IDUA: variants seen among roughly 807,000 people sequenced by gnomAD.
IDUA encodes iduronidase alpha-L-.
In IDUA, 65 loss-of-function variants were observed where a neutral mutation model predicts 68.9. The observed-to-expected ratio is 0.94, with a 90% CI of 0.77 to 1.16. The LOEUF (loss-of-function observed/expected upper bound fraction) is 1.16. Among genes scored for constraint, IDUA ranks in the 50% most tolerant of loss-of-function variants. The pLI, the probability that IDUA is intolerant of heterozygous loss-of-function variation, is 0.00. For missense variants in IDUA, 1,046 were observed against 938.0 expected (o/e 1.12, Z -1.50); for synonymous variants, 529 against 433.6 (o/e 1.22, Z -2.73).
Position 1,001,823 on chromosome 4 carries a change from C to T in IDUA, c.734C>T (p.Thr245Ile), listed in dbSNP as rs1226615259. ...CTCCTGCGCCACTGCCACGACGGTA[C>T]CAACTTCTTCACTGGGGAGGCGGGC... The part of the protein sequence containing the change: ...WGLLRHCHDG[T>I]NFFTGEAGVR... The change falls in exon 6 of 14, where the codon ACC (threonine) becomes ATC (isoleucine). Residue 245 changes from threonine (T) to isoleucine (I), a missense_variant. Coordinates refer to ENST00000514224, the MANE Select transcript of IDUA (RefSeq NM_000203.5). The T allele has an allele frequency of 1.9e-6, 3 of 1,605,508 alleles. No homozygotes were observed. The highest frequency in any genetic ancestry group is 2.5e-6 in the Non-Finnish European group (3 of 1,177,512).
intron 2 of IDUA, among the ~76,000 whole-genome samples, chr4:995,065 G>C (rs1414733385): frequency 6.9e-6 from 1 of 145,780 alleles, no homozygotes; most frequent in Non-Finnish European, 1.5e-5. Context: ...TTTTTTTTGA[G>C]ATGGAGTCTC....
At chr4:987,575 TGGCAGGGCCAGG>T in intron 1 of IDUA, 1 of 1,373,796 alleles carries the variant, frequency 7.3e-7, no homozygotes, top group African/African-American at 1.5e-5. Context: ...CCCGCCTTCC[TGGCAGGGCCAGG>T]GCCAGGGCTG....
chr4:1,001,997 A>G lies in IDUA; in HGVS notation c.808A>G (p.Ile270Val), dbSNP rs1450239242. 5.0e-6 allele frequency: 8 copies of G among 1,589,580 alleles called. No homozygotes were observed. Among genetic ancestry groups the G allele is most frequent in the Non-Finnish European group, 6.8e-6 (8 of 1,169,906 alleles). The part of the protein sequence containing the change: ...SLHRKGARSS[I>V]SILEQEKVVA... ...CCGCCCGCAGGGTGCGCGCAGCTCC[A>G]TCTCCATCCTGGAGCAGGAGAAGGT... Residue 270 changes from isoleucine (I) to valine (V), a missense_variant, in exon 7 of 14, where the codon ATC becomes GTC. By Grantham distance (29) the Ile-to-Val change is conservative. Transcript: ENST00000514224.
At chr4:993,859 C>A (rs565103874) in intron 2 of IDUA, among the ~76,000 whole-genome samples, 2 of 152,316 alleles carry the variant, frequency 1.3e-5, no homozygotes, top group South Asian at 4.1e-4. Flanking sequence ...CCAAGGCTGC[C>A]GGTGCGTGCA....
chr4:1,001,560 C>T lies in IDUA; in HGVS notation c.586C>T (p.Gln196Ter). The T allele has an allele frequency of 6.2e-7, 1 of 1,613,080 alleles. No homozygotes were observed. The highest frequency in any genetic ancestry group is 8.5e-7 in the Non-Finnish European group (1 of 1,179,848). ...HDFDNVSMTMQGFLNYYDACS... is the reference protein window; with the variant it reads ...HDFDNVSMTM ...CTTTGACAACGTCTCCATGACCATG[C>T]AAGGTGTGCACCGCTTCCTGGGGTC... is the stretch of plus-strand genomic sequence containing the variant. Residue 196 changes from glutamine to a stop codon, truncating the protein, a stop_gained, in exon 5 of 14, where the codon CAA becomes TAA. Transcript: ENST00000514224. LOFTEE classifies it high-confidence loss of function.
chr4:1,004,120 C>T lies in IDUA; in HGVS notation c.1828+8C>T. On this transcript the variant is annotated splice_region_variant and intron_variant, in intron 13 of 13. Transcript: ENST00000514224. This position sits in a 1 kb window ranked among gnomAD's most constrained non-coding sequence, Gnocchi z 5.0. ...TCTTTGTGTTCAGCCCAGGTGCGCC[C>T]ACCACCCGCTGCCCTGGACTCGGCC... 6.2e-7 allele frequency: 1 copy of T among 1,612,666 alleles called. No individual in the cohort carries two copies. The highest frequency in any genetic ancestry group is 8.5e-7 in the Non-Finnish European group (1 of 1,179,604).
intron 7 of IDUA, 27 bp from the exon 8 acceptor site, chr4:1,002,242 G>T (rs757373299): frequency 5.0e-6 from 8 of 1,598,266 alleles, no homozygotes; most frequent in Non-Finnish European, 6.8e-6. Flanking sequence ...CGCGCCACCC[G>T]GTCCCAGCTG....
Position 1,001,736 on chromosome 4 carries a change from TGCGGCTGGGAGGCCCCG to T in IDUA, c.651_667del (p.Gly219LeufsTer174), listed in dbSNP as rs1431813902. On this transcript the variant is annotated frameshift_variant, in exon 6 of 14. Coordinates refer to ENST00000514224, the MANE Select transcript of IDUA (RefSeq NM_000203.5). LOFTEE classifies it high-confidence loss of function. ...GGTCTGCGCGCCGCCAGCCCCGCCC[TGCGGCTGGGAGGCCCCG>T]GCGACTCCTTCCACACCCCACCGCG... is the stretch of plus-strand genomic sequence containing the variant. 6.3e-7 allele frequency: 1 copy of T among 1,599,082 alleles called. No individual in the cohort carries two copies. The highest frequency in any genetic ancestry group is 8.5e-7 in the Non-Finnish European group (1 of 1,178,352).
rs752049819 is a variant in IDUA, at chr4:1,000,988, C to T, written c.492C>T (p.Ile164=). 6 of 1,608,422 alleles carry T rather than the reference C, an allele frequency of 3.7e-6. No homozygotes were observed. The highest frequency in any genetic ancestry group is 2.2e-5 in the South Asian group (2 of 90,986). Residue 164 remains isoleucine (I), a splice_region_variant and synonymous_variant, in exon 4 of 14, where the codon ATC becomes ATT. Transcript: ENST00000514224. ...TCTCCAGCCTGGCCAGGAGATACAT[C>T]GGTGGGCGAGCGCAGGCCCTGGGGC... ...DLVSSLARRY[I]GRYGLAHVSK...
At chr4:992,015 G>A (rs1046002734) in intron 2 of IDUA, 13 of 632,288 alleles carry the variant, frequency 2.1e-5, no homozygotes, top group African/African-American at 1.2e-4. Context: ...GCGGCGTGGC[G>A]GCACCCTGTC....
In IDUA at chr4:1,003,124, G is replaced by C. The variant is rs374102243; in HGVS notation, c.1491G>C (p.Thr497=). Residue 497 remains threonine (T), a synonymous_variant, in exon 10 of 14, where the codon ACG becomes ACC. Coordinates refer to ENST00000514224, the MANE Select transcript of IDUA (RefSeq NM_000203.5). Reference sequence around the variant, plus strand: ...GCCTGGGCCGGCCCGTCTTCCCCACGGCAGAGCAGTTCCGGCGCATGCGCG... The same window carrying C: ...GCCTGGGCCGGCCCGTCTTCCCCACCGCAGAGCAGTTCCGGCGCATGCGCG... The part of the protein sequence containing the change: ...WRRLGRPVFP[T]AEQFRRMRAA... 3.0e-5 allele frequency: 45 copies of C among 1,504,552 alleles called. No individual in the cohort carries two copies. The highest frequency in any genetic ancestry group is 3.9e-5 in the Non-Finnish European group (44 of 1,134,400). The allele number at this position is 1,504,552 out of a possible 1,614,324, so 93.2% of individuals were successfully genotyped here. A position where few individuals can be genotyped will look rare whatever the true frequency, so the allele number is the denominator to read the frequency against.
Position 1,000,679 on chromosome 4 carries a change from G to C in IDUA, c.367G>C (p.Glu123Gln). Residue 123 changes from glutamate to glutamine, a missense_variant, in exon 3 of 14, where the codon GAG becomes CAG. Physicochemically the swap from Glu to Gln is conservative, Grantham distance 29. Coordinates refer to ENST00000514224, the MANE Select transcript of IDUA (RefSeq NM_000203.5). The stretch of plus-strand genomic sequence containing the variant: ...GGACGGGTACCTGGACCTTCTCAGG[G>C]AGAACCAGCTCCTCCCAGGTGAGCT... ...HLDGYLDLLR[E>Q]NQLLPGFELM... is the part of the protein sequence containing the mutation. The C allele has an allele frequency of 6.2e-7, 1 of 1,612,106 alleles. No individual in the cohort carries two copies. The highest frequency in any genetic ancestry group is 8.5e-7 in the Non-Finnish European group (1 of 1,179,532).
At chr4:1,002,528 G>T in intron 8 of IDUA, 43 bp downstream of exon 8, 3 of 1,427,754 alleles carry the variant, frequency 2.1e-6, no homozygotes, top group African/African-American at 3.0e-5. Flanking sequence ...GGCCCTCCAG[G>T]CTGGGGAGCG....
intron 2 of IDUA, chr4:988,483 T>G: frequency 1.8e-6 from 2 of 1,121,582 alleles, no homozygotes. Flanking sequence ...TCTTGGCACC[T>G]TGGAGGCTGC....
rs1315308939 is a variant in IDUA at position 1,002,952 on chromosome 4, G to A, written c.1402+8G>A. On this transcript the variant is annotated splice_region_variant and intron_variant, in intron 9 of 13. Coordinates refer to ENST00000514224, the MANE Select transcript of IDUA (RefSeq NM_000203.5). The stretch of plus-strand genomic sequence containing the variant: ...GGGTGCCCCCCGGCCCGGGTAAGCC[G>A]GGGTTCCAGGGAGGTCTCTGGCCCC... 23 of 1,361,744 alleles carry A rather than the reference G, an allele frequency of 1.7e-5. No homozygotes were observed. Among genetic ancestry groups the A allele is most frequent in the East Asian group, 6.2e-5 (2 of 32,336 alleles). 84.4% of individuals were successfully genotyped at this position (1,361,744 alleles called of 1,614,324 possible).
chr4:1,002,241 C>T lies in IDUA; in HGVS notation c.973-28C>T, dbSNP rs1189183487. The T allele has an allele frequency of 5.6e-6, 9 of 1,597,460 alleles. No individual in the cohort carries two copies. The African/African-American group carries it at 8.1e-5, about 14-fold the overall frequency. On this transcript the variant is annotated intron_variant, in intron 7 of 13. Coordinates refer to ENST00000514224, the MANE Select transcript of IDUA (RefSeq NM_000203.5). ...ACAGGCGAGCGGTGGCCGCGCCACC[C>T]GGTCCCAGCTGCCCTGGACACCCGC...
Position 1,002,869 on chromosome 4 carries a change from A to AGCGACGACACCC in IDUA, c.1331_1342dup (p.Asp444_Arg447dup), listed in dbSNP as rs1434999845. On this transcript the variant is annotated inframe_insertion, in exon 9 of 14. Transcript: ENST00000514224. ...GCGCGCCGCGGTGCTGATCTACGCG[A>AGCGACGACACCC]GCGACGACACCCGCGCCCACCCCAA... 3 of 1,444,462 alleles carry AGCGACGACACCC rather than the reference A, an allele frequency of 2.1e-6. No homozygotes were observed. In the Admixed American group the frequency reaches 8.1e-5, roughly 39 times the overall value. The allele number at this position is 1,444,462 out of a possible 1,614,324, so 89.5% of individuals were successfully genotyped here. A position where few individuals can be genotyped will look rare whatever the true frequency, so the allele number is the denominator to read the frequency against.
chr4:992,275 C>T (rs1194927149), intron 2 of IDUA: 4 of 445,946 alleles, frequency 9.0e-6, no homozygotes, highest in Non-Finnish European at 1.8e-5. Flanking sequence ...ACACCAGAGC[C>T]CTCCCTCCCC....
chr4:990,835 C>T (rs1714232675), intron 2 of IDUA: 2 of 440,994 alleles, frequency 4.5e-6, no homozygotes, highest in Non-Finnish European at 8.0e-6. Flanking sequence ...GCCACATGGC[C>T]TCAGTCCAGC....
Sources: gnomAD v4.1 joint callset for allele counts (sites outside exome capture counted in the v4.1 genomes callset) on GRCh38, gnomAD v4.1.1 for gene constraint, Gnocchi (gnomAD v3.1) non-coding constraint, MANE v1.5 for transcripts, NCBI Gene and HGNC (gene_info 2026-07-23, HGNC 2026-07-21) for gene names.